ABHD2: variants seen among roughly 807,000 people sequenced by gnomAD.
ABHD2 encodes the protein abhydrolase domain containing 2, acylglycerol lipase.
Under a neutral mutation model 48.1 loss-of-function variants are expected in ABHD2, and 20 were observed. The ratio of observed to expected loss-of-function variants is 0.42; its 90% confidence interval spans 0.29 to 0.60. The LOEUF is 0.60. ABHD2 is among the 20% of genes least tolerant of loss of function. The pLI is 0.24. For synonymous variants in ABHD2, 209 were observed against 214.2 expected, an observed-to-expected ratio of 0.98 and a Z score of 0.21; for missense variants, 405 against 550.9, an observed-to-expected ratio of 0.74 and a Z score of 2.65.
At chr15:89,070,386 C>A in the ABHD2 span, among the ~76,000 whole-genome samples, 1 of 152,224 alleles carries the variant, frequency 6.6e-6, no homozygotes, top group Non-Finnish European at 1.5e-5. Flanking sequence ...GTATCACAAG[C>A]TACCGTAGTA....
rs1018521146 is a variant in ABHD2 at position 89,146,479 on chromosome 15, T to A, written c.195-5198T>A. Among the ~76,000 whole-genome samples, 5 of 151,876 alleles carry A rather than the reference T, an allele frequency of 3.3e-5. No homozygotes were observed. Among genetic ancestry groups the A allele is most frequent in the African/African-American group, 4.8e-5 (2 of 41,338 alleles). On this transcript the variant is annotated intron_variant, in intron 3 of 10. Coordinates refer to ENST00000352732, the MANE Select transcript of ABHD2 (RefSeq NM_152924.5). This position sits in a 1 kb window ranked among gnomAD's most constrained non-coding sequence, Gnocchi z 4.2. ...TGACCAATTCTCTTAGTAAGCCAGATGTCGATTATAAATAGGCTCAGAAGA... is the reference window on the plus strand; with the variant it reads ...TGACCAATTCTCTTAGTAAGCCAGAAGTCGATTATAAATAGGCTCAGAAGA...
chr15:89,073,540 A>C, the ABHD2 span, among the ~76,000 whole-genome samples: 3 of 151,932 alleles, frequency 2.0e-5, no homozygotes, highest in African/African-American at 7.3e-5. Context: ...CAGGTGATCC[A>C]CCCTCCTCGG....
intron 3 of ABHD2, among the ~76,000 whole-genome samples, chr15:89,148,565 A>C (rs1665527320): frequency 6.6e-6 from 1 of 152,250 alleles, no homozygotes; most frequent in Non-Finnish European, 1.5e-5. Flanking sequence ...TAAAACGCAC[A>C]TACCTCTCAG....
At chr15:89,095,998 G>A (rs1401332616) in intron 1 of ABHD2, among the ~76,000 whole-genome samples, 10 of 152,264 alleles carry the variant, frequency 6.6e-5, no homozygotes, top group Middle Eastern at 3.4e-3. Flanking sequence ...GATGAACTTC[G>A]CGCAGAAAAG....
the ABHD2 span, among the ~76,000 whole-genome samples, chr15:89,067,952 C>T: frequency 2.6e-4 from 40 of 152,264 alleles, 1 homozygote; most frequent in East Asian, 4.8e-3. Context: ...ATGAAAGAAA[C>T]GGTCTAGTGG....
At chr15:89,192,138 T>C (rs1270305927) in intron 9 of ABHD2, among the ~76,000 whole-genome samples, 3 of 152,234 alleles carry the variant, frequency 2.0e-5, no homozygotes, top group Non-Finnish European at 4.4e-5. Flanking sequence ...CTTGTCAATG[T>C]CCACCTGTAG....
the ABHD2 span, among the ~76,000 whole-genome samples, chr15:89,074,750 G>C: frequency 1.3e-5 from 2 of 152,154 alleles, no homozygotes; most frequent in Non-Finnish European, 2.9e-5. Flanking sequence ...AACCTAGCTT[G>C]CTTTGTCATT....
Position 89,168,134 on chromosome 15 carries a change from T to C in ABHD2, c.539-7678T>C, listed in dbSNP as rs1340593664. Among the ~76,000 whole-genome samples, 3 of 152,324 alleles carry C rather than the reference T, an allele frequency of 2.0e-5. No homozygotes were observed. Among genetic ancestry groups the C allele is most frequent in the African/African-American group, 7.2e-5 (3 of 41,568 alleles). ...CTAGTGTCATTTGGGGAAGTGGCTGTTGAAATAATAGCTTTCAGGCAGCCT... is the reference window on the plus strand; with the variant it reads ...CTAGTGTCATTTGGGGAAGTGGCTGCTGAAATAATAGCTTTCAGGCAGCCT... On this transcript the variant is annotated intron_variant, in intron 5 of 10. Coordinates refer to ENST00000352732, the MANE Select transcript of ABHD2 (RefSeq NM_152924.5). The surrounding 1 kb of genome is among the most constrained non-coding windows in gnomAD (Gnocchi z 4.8).
the ABHD2 span, among the ~76,000 whole-genome samples, chr15:89,056,922 T>C: frequency 1.3e-5 from 2 of 148,500 alleles, no homozygotes; most frequent in African/African-American, 5.0e-5. Flanking sequence ...TTTTTTTTTT[T>C]TTTTTTTTGA....
chr15:89,043,845 T>C, the ABHD2 span, among the ~76,000 whole-genome samples: 1 of 152,104 alleles, frequency 6.6e-6, no homozygotes, highest in African/African-American at 2.4e-5. Flanking sequence ...TATTCATCTA[T>C]GAGTTTTGTT....
chr15:89,043,590 A>AAGG, the ABHD2 span, among the ~76,000 whole-genome samples: 1 of 140,782 alleles, frequency 7.1e-6, no homozygotes, highest in Non-Finnish European at 1.5e-5. Flanking sequence ...GAAGAGGAAG[A>AAGG]AGGAGGAGGA....
At chr15:89,101,249 T>C (rs1379005614) in intron 1 of ABHD2, among the ~76,000 whole-genome samples, 1 of 152,202 alleles carries the variant, frequency 6.6e-6, no homozygotes, top group Admixed American at 6.5e-5. Flanking sequence ...GGGGAAAGTG[T>C]GAAAGAAATA....
the ABHD2 span, among the ~76,000 whole-genome samples, chr15:89,049,500 T>C: frequency 1.3e-5 from 2 of 152,230 alleles, no homozygotes; most frequent in African/African-American, 2.4e-5. Flanking sequence ...CGCTGCCGCC[T>C]TGCAGTTTGA....
At chr15:89,134,332 A>G (rs2050268576) in intron 3 of ABHD2, among the ~76,000 whole-genome samples, 1 of 152,116 alleles carries the variant, frequency 6.6e-6, no homozygotes, top group Non-Finnish European at 1.5e-5. Flanking sequence ...TCCTGGTGTG[A>G]GGTGTGGCTC....
the ABHD2 span, among the ~76,000 whole-genome samples, chr15:89,065,300 A>G: frequency 6.6e-6 from 1 of 152,186 alleles, no homozygotes; most frequent in Admixed American, 6.5e-5. Flanking sequence ...AAACTCATTT[A>G]GAATCATTGT....
chr15:89,110,404 C>T (rs80311864), intron 1 of ABHD2, among the ~76,000 whole-genome samples: 2 of 152,108 alleles, frequency 1.3e-5, no homozygotes, highest in South Asian at 4.1e-4. Context: ...ATTGGTTGAA[C>T]CTGCAGTTAA....
Position 89,155,724 on chromosome 15 carries a change from T to C in ABHD2, c.538+190T>C, listed in dbSNP as rs1057176440. On this transcript the variant is annotated intron_variant, in intron 5 of 10. Transcript: ENST00000352732. The surrounding 1 kb of genome is among the most constrained non-coding windows in gnomAD (Gnocchi z 4.9). The stretch of plus-strand genomic sequence containing the variant: ...CCATGCCTCACACCAGCCTTTGAGA[T>C]GGGCACTATAACCACCCTCACAGAG... Among the ~76,000 whole-genome samples, 4 of 152,208 alleles carry C rather than the reference T, an allele frequency of 2.6e-5. No homozygotes were observed. The highest frequency in any genetic ancestry group is 9.6e-5 in the African/African-American group (4 of 41,454).
rs1410469697 is a variant in ABHD2 at position 89,114,509 on chromosome 15, G to A, written c.-7+685G>A. On this transcript the variant is annotated intron_variant, in intron 2 of 10. Transcript: ENST00000352732. The surrounding 1 kb of genome is among the most constrained non-coding windows in gnomAD (Gnocchi z 4.2). ...TTTGTTTTTGTTTTTTTGAGACGGC[G>A]TTTCGCTCTTGTCCCCAGGCTGGAG... Among the ~76,000 whole-genome samples, 4 of 152,066 alleles carry A rather than the reference G, an allele frequency of 2.6e-5. No individual in the cohort carries two copies. The highest frequency in any genetic ancestry group is 6.6e-5 in the Admixed American group (1 of 15,262).
At chr15:89,128,311 A>C (rs961146438) in intron 3 of ABHD2, among the ~76,000 whole-genome samples, 3 of 152,190 alleles carry the variant, frequency 2.0e-5, no homozygotes, top group Non-Finnish European at 4.4e-5. Context: ...GAACCAGTAA[A>C]ATCAATTATT....
Sources: allele counts gnomAD v4.1 joint callset (sites outside exome capture counted in the v4.1 genomes callset), GRCh38; gene constraint gnomAD v4.1.1; non-coding constraint Gnocchi (gnomAD v3.1); transcripts MANE v1.5; gene names NCBI Gene and HGNC (gene_info 2026-07-23, HGNC 2026-07-21).